SUZ12: variants seen among roughly 807,000 people sequenced by gnomAD.
SUZ12 encodes SUZ12 polycomb repressive complex 2 subunit.
SUZ12 carries 17 observed loss-of-function variants against 87.3 expected under a neutral mutation model. That is an observed-to-expected ratio of 0.19 (90% CI 0.13 to 0.29). The LOEUF (loss-of-function observed/expected upper bound fraction) is 0.29, where lower values mean the gene tolerates loss of function less well. SUZ12 is among the 10% of genes least tolerant of loss of function. The probability of loss-of-function intolerance (pLI) is 1.00; values close to 1 mark genes in which losing one functional copy is unlikely to be tolerated. For synonymous variants in SUZ12, 253 were observed against 312.4 expected, an observed-to-expected ratio of 0.81 and a Z score of 2.01; for missense variants, 526 against 912.2, an observed-to-expected ratio of 0.58 and a Z score of 5.45.
rs1905989323 is a variant in SUZ12 at position 31,937,301 on chromosome 17, G to T, written c.55G>T (p.Gly19Trp). Reference protein sequence around the residue: ...GGGGGSGPSAGSGGGGFGGSA... With the variant: ...GGGGGSGPSAWSGGGGFGGSA... The stretch of plus-strand genomic sequence containing the variant: ...AGGGGGCGGCTCGGGGCCCAGCGCG[G>T]GGTCCGGGGGAGGCGGCTTCGGGGG... Residue 19 changes from glycine to tryptophan, a missense_variant, in exon 1 of 16, where the codon GGG (glycine) becomes TGG (tryptophan). By Grantham distance (184) the Gly-to-Trp change is radical (BLOSUM62 -2). Around this residue, in one of 9 missense-constraint regions of SUZ12, gnomAD observed 92 missense variants for 109.9 expected, o/e 0.84. Coordinates refer to ENST00000322652, the MANE Select transcript of SUZ12 (RefSeq NM_015355.4). 7.1e-7 allele frequency: 1 copy of T among 1,402,122 alleles called. No homozygotes were observed. The highest frequency in any genetic ancestry group is 3.0e-5 in the East Asian group (1 of 33,210). 86.9% of individuals were successfully genotyped at this position (1,402,122 alleles called of 1,614,324 possible). A position where few individuals can be genotyped will look rare whatever the true frequency, so the allele number is the denominator to read the frequency against.
At chr17:31,993,565 C>T (rs1366536103) in intron 11 of SUZ12, among the ~76,000 whole-genome samples, 1 of 152,008 alleles carries the variant, frequency 6.6e-6, no homozygotes, top group African/African-American at 2.4e-5. Context: ...TAATTACAAG[C>T]ACATGCCACC....
Position 31,998,736 on chromosome 17 carries a change from T to A in SUZ12, c.1953T>A (p.Asn651Lys). ...ENYGQKIIKK[N>K]LCRNFMLHLV... ...ATGGACAGAAAATAATTAAGAAGAA[T>A]TTATGTCGAAACTTCATGCTTCATC... Residue 651 changes from asparagine to lysine, a missense_variant, in exon 16 of 16, where the codon AAT (asparagine) becomes AAA (lysine). By Grantham distance (94) the Asn-to-Lys change is moderately conservative (BLOSUM62 0). Coordinates refer to ENST00000322652, the MANE Select transcript of SUZ12 (RefSeq NM_015355.4). The A allele has an allele frequency of 6.2e-7, 1 of 1,606,338 alleles. No individual in the cohort carries two copies. The highest frequency in any genetic ancestry group is 2.2e-5 in the East Asian group (1 of 44,696).
intron 8 of SUZ12, among the ~76,000 whole-genome samples, chr17:31,980,740 GC>G (rs138571091): frequency 0.16 from 23,668 of 151,830 alleles, 2,059 homozygotes; most frequent in African/African-American, 0.22. Context: ...GAGCCACTGC[GC>G]CCCGGCCTAC....
intron 13 of SUZ12, among the ~76,000 whole-genome samples, 167 bp from the exon 14 acceptor site, chr17:31,995,397 G>A (rs1233923562): frequency 6.6e-6 from 1 of 152,134 alleles, no homozygotes; most frequent in African/African-American, 2.4e-5. Context: ...TTTACATTAT[G>A]TACCAAAAGA....
At chr17:31,995,998 C>G (rs1176480655) in intron 14 of SUZ12, among the ~76,000 whole-genome samples, 2 of 152,018 alleles carry the variant, frequency 1.3e-5, no homozygotes, top group African/African-American at 4.8e-5. Context: ...TGCCTGAGTT[C>G]AGGAGTTCAA....
intron 14 of SUZ12, among the ~76,000 whole-genome samples, chr17:31,996,363 C>T (rs1418102961): frequency 6.6e-6 from 1 of 152,122 alleles, no homozygotes; most frequent in Non-Finnish European, 1.5e-5. Flanking sequence ...ACCTGTAATC[C>T]CAACACTTTG....
chr17:31,997,459 T>TA (rs888753182), intron 15 of SUZ12, among the ~76,000 whole-genome samples: 1 of 152,184 alleles, frequency 6.6e-6, no homozygotes, highest in Admixed American at 6.5e-5. Flanking sequence ...GGTCAGAAGT[T>TA]AGAGAGCAGC....
At position 31,992,458 on chromosome 17, in the gene SUZ12, G is replaced by A. The variant is rs573420771; in HGVS notation, c.1202-784G>A. Among the ~76,000 whole-genome samples, 12 of 152,250 alleles carry A rather than the reference G, an allele frequency of 7.9e-5. No individual in the cohort carries two copies. In the East Asian group the frequency reaches 2.1e-3, roughly 27 times the overall value. ...AGAGTCTTCCTCAGTCGCCCAGGCT[G>A]GAGTGTAGTGGTGCGATCTCAGCTC... is the stretch of plus-strand genomic sequence containing the variant. On this transcript the variant is annotated intron_variant, in intron 10 of 15. Transcript: ENST00000322652.
At chr17:31,981,566 T>C (rs530631078) in intron 8 of SUZ12, among the ~76,000 whole-genome samples, 4 of 152,222 alleles carry the variant, frequency 2.6e-5, no homozygotes, top group Non-Finnish European at 5.9e-5. Context: ...TCCTTTTTGA[T>C]TTAGAAATAT....
chr17:31,990,148 G>GTTTTTTTTTTT (rs1567836883), intron 10 of SUZ12, among the ~76,000 whole-genome samples: 1 of 127,036 alleles, frequency 7.9e-6, no homozygotes, highest in African/African-American at 3.1e-5. Flanking sequence ...TTTTTTTTTG[G>GTTTTTTTTTTT]ATTTTTAGTA....
chr17:31,976,454 G>A, intron 7 of SUZ12, 67 bp from the exon 8 acceptor site: 1 of 1,279,636 alleles, frequency 7.8e-7, no homozygotes, highest in East Asian at 2.5e-5. Context: ...TTTATGTTAA[G>A]GGACCATATA....
At chr17:31,988,717 C>A in intron 10 of SUZ12, among the ~76,000 whole-genome samples, 1 of 151,504 alleles carries the variant, frequency 6.6e-6, no homozygotes, top group Non-Finnish European at 1.5e-5. Flanking sequence ...CTCAGCCTCC[C>A]GAGTAGCTGT....
chr17:31,971,421 CTTTTTTTTTTTT>C (rs11383306), intron 5 of SUZ12, among the ~76,000 whole-genome samples: 5 of 116,048 alleles, frequency 4.3e-5, no homozygotes, highest in African/African-American at 1.3e-4. Context: ...TCTCCTGCAA[CTTTTTTTTTTTT>C]TTTTTTTTTT....
intron 3 of SUZ12, among the ~76,000 whole-genome samples, chr17:31,946,035 A>G (rs189820943): frequency 6.6e-6 from 1 of 152,198 alleles, no homozygotes; most frequent in African/African-American, 2.4e-5. Flanking sequence ...ACTATACTCT[A>G]TTGGATGAAA....
intron 9 of SUZ12, among the ~76,000 whole-genome samples, chr17:31,987,255 C>T (rs550464773): frequency 3.6e-4 from 55 of 152,230 alleles, no homozygotes; most frequent in African/African-American, 1.3e-3. Flanking sequence ...AGAAAAGATA[C>T]TGGATACACT....
Position 31,982,531 on chromosome 17 carries a change from C to T in SUZ12, c.918-468C>T, listed in dbSNP as rs1263405753. Among the ~76,000 whole-genome samples the T allele has an allele frequency of 7.9e-5, 12 of 152,184 alleles. No individual in the cohort carries two copies. The East Asian group carries it at 9.7e-4, about 12-fold the overall frequency. On this transcript the variant is annotated intron_variant, in intron 8 of 15. Coordinates refer to ENST00000322652, the MANE Select transcript of SUZ12 (RefSeq NM_015355.4). ...AAAATTAGCTGGGCATAGTGGCACG[C>T]GCCTGTAATCCCAGCTACTCGGGAG...
intron 4 of SUZ12, among the ~76,000 whole-genome samples, chr17:31,956,424 C>T (rs144893614): frequency 2.2e-4 from 34 of 152,256 alleles, no homozygotes; most frequent in Admixed American, 1.4e-3. Context: ...GATCTGACCT[C>T]GTGATCGGCC....
chr17:31,961,282 C>T (rs1013640958), intron 4 of SUZ12, among the ~76,000 whole-genome samples: 2 of 151,956 alleles, frequency 1.3e-5, no homozygotes, highest in East Asian at 3.9e-4. Flanking sequence ...GGGCATAGTA[C>T]TCACACCTGT....
chr17:31,974,421 G>C lies in SUZ12; in HGVS notation c.592-1061G>C, dbSNP rs1598172499. 2.6e-5 allele frequency among the ~76,000 whole-genome samples: 4 copies of C among 152,132 alleles called. No homozygotes were observed. In the South Asian group the frequency reaches 8.3e-4, roughly 31 times the overall value. On this transcript the variant is annotated intron_variant, in intron 6 of 15. Transcript: ENST00000322652. ...GGGCACCTGTAGTGCCAGCTACTCA[G>C]GAGGCTGAGGCAGGAGAATGGTATG...
Sources: gnomAD v4.1 joint callset for allele counts (sites outside exome capture counted in the v4.1 genomes callset) on GRCh38, gnomAD v4.1.1 for gene constraint, gnomAD v4.1.1 regional missense constraint, MANE v1.5 for transcripts, NCBI Gene and HGNC (gene_info 2026-07-23, HGNC 2026-07-21) for gene names.